The following HLCS variants were observed in gnomAD, a reference collection of about 807,000 sequenced individuals.
HLCS encodes the protein holocarboxylase synthetase, also known as biotin--protein ligase.
A neutral mutation model predicts 75.0 loss-of-function variants in HLCS; 53 were observed. The observed-to-expected ratio is 0.71, with a 90% CI of 0.57 to 0.89. HLCS has a LOEUF of 0.89. Among genes scored for constraint, HLCS ranks in the 40% least tolerant of loss-of-function variants. The pLI is 0.00. For synonymous variants in HLCS, 431 were observed against 428.6 expected (o/e 1.01, Z -0.07); for missense variants, 966 against 1,074.0 (o/e 0.90, Z 1.41).
chr21:36,826,791 T>G (rs2062021823), intron 6 of HLCS, among the ~76,000 whole-genome samples: 1 of 152,202 alleles, frequency 6.6e-6, no homozygotes, highest in Non-Finnish European at 1.5e-5. Context: ...GTTTACACAG[T>G]TAACAGCGGA....
chr21:36,780,610 C>G (rs890543295), intron 6 of HLCS, among the ~76,000 whole-genome samples: 1 of 152,102 alleles, frequency 6.6e-6, no homozygotes, highest in Non-Finnish European at 1.5e-5. Context: ...TTAGGTAGTT[C>G]CTAAAAGGAC....
intron 6 of HLCS, among the ~76,000 whole-genome samples, chr21:36,833,592 A>AATT (rs56000864): frequency 4.3e-5 from 3 of 70,442 alleles, no homozygotes; most frequent in Non-Finnish European, 9.5e-5. Flanking sequence ...CTAAAAAAAA[A>AATT]TTATATATAT....
chr21:36,788,450 G>T (rs527408827), intron 6 of HLCS, among the ~76,000 whole-genome samples: 5 of 152,336 alleles, frequency 3.3e-5, no homozygotes, highest in Non-Finnish European at 7.3e-5. Flanking sequence ...ATAAACCCAA[G>T]AACAGTAAAC....
At chr21:36,805,081 C>G (rs2061323859) in intron 6 of HLCS, among the ~76,000 whole-genome samples, 1 of 152,148 alleles carries the variant, frequency 6.6e-6, no homozygotes, top group Non-Finnish European at 1.5e-5. Flanking sequence ...TCCGACTTTC[C>G]ACTACAGCAA....
rs535382800 is a variant in HLCS, at chr21:36,786,297, A to T, written c.1893-19012T>A. ...TTCTATTTAAGCTTTTTTTTTTTTTAAATCTAAAAAACACAGTACCATACC... is the reference window on the plus strand; with the variant it reads ...TTCTATTTAAGCTTTTTTTTTTTTTTAATCTAAAAAACACAGTACCATACC... On this transcript the variant is annotated intron_variant, in intron 6 of 10. Coordinates refer to ENST00000674895, the MANE Select transcript of HLCS (RefSeq NM_001352514.2). Among the ~76,000 whole-genome samples the T allele has an allele frequency of 3.6e-3, 530 of 145,884 alleles. 2 individuals are homozygous for T. Among genetic ancestry groups the T allele is most frequent in the Middle Eastern group, 6.8e-3 (2 of 292 alleles).
intron 5 of HLCS, among the ~76,000 whole-genome samples, chr21:36,925,896 T>C (rs2066384846): frequency 6.6e-6 from 1 of 152,288 alleles, no homozygotes; most frequent in Non-Finnish European, 1.5e-5. Flanking sequence ...TTAAAATGTT[T>C]CTATAAAATA....
At chr21:36,889,150 G>A (rs1379200675) in intron 6 of HLCS, among the ~76,000 whole-genome samples, 1 of 152,210 alleles carries the variant, frequency 6.6e-6, no homozygotes, top group Non-Finnish European at 1.5e-5. Flanking sequence ...AGGCAAAGAA[G>A]TCAAATCTAA....
chr21:36,935,548 C>A (rs189307586), intron 4 of HLCS, among the ~76,000 whole-genome samples: 12 of 152,182 alleles, frequency 7.9e-5, no homozygotes, highest in Admixed American at 2.6e-4. Flanking sequence ...TATAATAAAA[C>A]AAAATCGATT....
chr21:36,904,549 C>A (rs2065370475), intron 5 of HLCS, among the ~76,000 whole-genome samples: 1 of 152,032 alleles, frequency 6.6e-6, no homozygotes, highest in Non-Finnish European at 1.5e-5. Context: ...TAACTATATA[C>A]CACCCATAAT....
At chr21:36,942,088 G>A (rs2067167132) in intron 2 of HLCS, among the ~76,000 whole-genome samples, 3 of 151,238 alleles carry the variant, frequency 2.0e-5, no homozygotes, top group African/African-American at 7.3e-5. Context: ...TAGGAGAATT[G>A]CTTCAACTCA....
At chr21:36,827,706 T>C (rs1167168450) in intron 6 of HLCS, among the ~76,000 whole-genome samples, 1 of 151,894 alleles carries the variant, frequency 6.6e-6, no homozygotes, top group Non-Finnish European at 1.5e-5. Flanking sequence ...ACAACTTGAG[T>C]GTGCTCATTG....
intron 6 of HLCS, among the ~76,000 whole-genome samples, chr21:36,816,224 C>G (rs900251474): frequency 6.6e-6 from 1 of 152,022 alleles, no homozygotes; most frequent in Non-Finnish European, 1.5e-5. Context: ...GAGACCCCAT[C>G]TCTATAAAAA....
chr21:36,905,560 C>T (rs1300890399), intron 5 of HLCS, among the ~76,000 whole-genome samples: 2 of 151,998 alleles, frequency 1.3e-5, no homozygotes, highest in Non-Finnish European at 2.9e-5. Flanking sequence ...TGGGTGGAAC[C>T]AACAGCTGAA....
chr21:36,958,975 C>T (rs1029027137), intron 2 of HLCS, among the ~76,000 whole-genome samples: 5 of 152,180 alleles, frequency 3.3e-5, no homozygotes, highest in African/African-American at 9.7e-5. Flanking sequence ...GCAGGGTAGG[C>T]GCGGCCAGGG....
intron 6 of HLCS, among the ~76,000 whole-genome samples, chr21:36,800,031 CCCATTTCCA>C (rs1183744896): frequency 2.0e-5 from 3 of 152,164 alleles, no homozygotes; most frequent in Admixed American, 6.5e-5. Context: ...TTTCCTATGA[CCCATTTCCA>C]CCATTTCCAC....
Position 36,888,482 on chromosome 21 carries a change from ATATATATATATATATT to A in HLCS, c.1892+8362_1892+8377del, listed in dbSNP as rs1370319934. Among the ~76,000 whole-genome samples, 60 of 80,830 alleles carry A rather than the reference ATATATATATATATATT, an allele frequency of 7.4e-4. 1 individual carries two copies. Among genetic ancestry groups the A allele is most frequent in the African/African-American group, 1.4e-3 (32 of 23,520 alleles). 53.0% of individuals were successfully genotyped at this position (80,830 alleles called of 152,430 possible). On this transcript the variant is annotated intron_variant, in intron 6 of 10. Transcript: ENST00000674895. ...TATATATATATATATATATATATAT[ATATATATATATATATT>A]TATTTATTTATTTTATGGGATTGTG...
chr21:36,961,449 G>A (rs2068285682), intron 2 of HLCS, among the ~76,000 whole-genome samples: 1 of 152,098 alleles, frequency 6.6e-6, no homozygotes, highest in African/African-American at 2.4e-5. Context: ...GGAGCCCTGA[G>A]TTTGAGGCTT....
intron 10 of HLCS, among the ~76,000 whole-genome samples, chr21:36,755,461 C>CA: frequency 6.6e-6 from 1 of 152,112 alleles, no homozygotes; most frequent in Admixed American, 6.5e-5. Flanking sequence ...ACACTTTCTG[C>CA]TTAAATACTT....
chr21:36,879,842 C>T lies in HLCS; in HGVS notation c.1892+17018G>A, dbSNP rs148059607. Among the ~76,000 whole-genome samples the T allele has an allele frequency of 7.5e-4, 113 of 150,664 alleles. 1 individual carries two copies. The highest frequency in any genetic ancestry group is 3.4e-3 in the Middle Eastern group (1 of 294). On this transcript the variant is annotated intron_variant, in intron 6 of 10. Transcript: ENST00000674895. ...GGAGGACTGCTTGAGCCCAGGAGTT[C>T]GAGGCTGCAGTGAGCCGAGATTGCA...
Sources: allele counts gnomAD v4.1 joint callset (sites outside exome capture counted in the v4.1 genomes callset), GRCh38; gene constraint gnomAD v4.1.1; transcripts MANE v1.5; gene names NCBI Gene and HGNC (gene_info 2026-07-23, HGNC 2026-07-21).